Variants in NEK1 observed in about 807,000 individuals in gnomAD.
NEK1 encodes the protein serine/threonine-protein kinase Nek1.
In NEK1, 137 loss-of-function variants were observed where a neutral mutation model predicts 182.1. That is an observed-to-expected ratio of 0.75 (90% confidence interval 0.65 to 0.87). The LOEUF (loss-of-function observed/expected upper bound fraction) is 0.87, where lower values mean the gene tolerates loss of function less well. NEK1 is among the 40% of genes least tolerant of loss of function. NEK1 has a pLI of 0.00. For missense variants in NEK1, 1,391 were observed against 1,494.4 expected (o/e 0.93, Z 1.14); for synonymous variants, 513 against 492.2 (o/e 1.04, Z -0.56).
intron 23 of NEK1, among the ~76,000 whole-genome samples, chr4:169,500,252 C>T (rs1031139195): frequency 2.6e-5 from 4 of 152,172 alleles, no homozygotes; most frequent in Admixed American, 6.5e-5. Flanking sequence ...GTTGGAAAAT[C>T]GCAGTATTAG....
chr4:169,540,279 G>C (rs1446357755), intron 18 of NEK1, among the ~76,000 whole-genome samples: 1 of 152,028 alleles, frequency 6.6e-6, no homozygotes, highest in Non-Finnish European at 1.5e-5. Context: ...TTCCAGGGAG[G>C]CAAGGTTGGT....
intron 18 of NEK1, 64 bp from the exon 19 acceptor site, chr4:169,537,975 T>A: frequency 8.5e-7 from 1 of 1,181,940 alleles, no homozygotes; most frequent in Non-Finnish European, 1.2e-6. Context: ...AGTTAAAAAT[T>A]ACATTTATCC....
At chr4:169,475,366 T>C (rs957714138) in intron 26 of NEK1, among the ~76,000 whole-genome samples, 4 of 152,142 alleles carry the variant, frequency 2.6e-5, no homozygotes, top group Admixed American at 2.6e-4. Flanking sequence ...AAGCATCTTA[T>C]CTCCTAAATG....
chr4:169,593,888 C>T (rs892062036), intron 5 of NEK1, among the ~76,000 whole-genome samples: 19 of 151,678 alleles, frequency 1.3e-4, no homozygotes, highest in African/African-American at 4.6e-4. Flanking sequence ...ACGCGGGAGG[C>T]TGAGGCAGGA....
chr4:169,582,798 T>C (rs562415360), intron 10 of NEK1, among the ~76,000 whole-genome samples: 73 of 152,306 alleles, frequency 4.8e-4, no homozygotes, highest in African/African-American at 1.7e-3. Flanking sequence ...ATGAAGCTTT[T>C]CAGTTATACC....
chr4:169,486,501 A>G (rs917220926), intron 23 of NEK1, among the ~76,000 whole-genome samples: 1 of 152,236 alleles, frequency 6.6e-6, no homozygotes, highest in Non-Finnish European at 1.5e-5. Flanking sequence ...GTATGCTAGG[A>G]AAGTATTAAA....
chr4:169,515,592 G>A (rs6831527), intron 19 of NEK1, among the ~76,000 whole-genome samples: 86,600 of 124,790 alleles, frequency 0.69, 32,860 homozygotes, highest in Middle Eastern at 0.86. Flanking sequence ...ATGCTGGTGC[G>A]CTGCACCCAC....
intron 12 of NEK1, 98 bp downstream of exon 12, chr4:169,576,830 A>G (rs1580900195): frequency 8.4e-7 from 1 of 1,187,926 alleles, no homozygotes; most frequent in Non-Finnish European, 1.2e-6. Context: ...TAACTTAATA[A>G]AAGTAATCCT....
Position 169,587,496 on chromosome 4 carries a change from A to G in NEK1, c.606+63T>C. The stretch of plus-strand genomic sequence containing the variant: ...TGAAAGATAATATAACTTAAAATAT[A>G]ATAAAAACATTATAGTCGCTTTTTA... On this transcript the variant is annotated intron_variant, in intron 9 of 35. Coordinates refer to ENST00000507142, the MANE Select transcript of NEK1 (RefSeq NM_001199397.3). The G allele has an allele frequency of 5.5e-6, 5 of 904,580 alleles. No homozygotes were observed. In the Middle Eastern group the frequency reaches 7.7e-4, roughly 139 times the overall value. The allele number at this position is 904,580 out of a possible 1,614,324, so 56.0% of individuals were successfully genotyped here.
At chr4:169,401,964 T>G (rs1179346359) in intron 32 of NEK1, 104 bp from the exon 33 acceptor site, 1 of 854,088 alleles carries the variant, frequency 1.2e-6, no homozygotes, top group Non-Finnish European at 1.7e-6. Flanking sequence ...ACTCAATACG[T>G]AGGCACTTCT....
At chr4:169,528,401 G>C (rs1757198479) in intron 19 of NEK1, among the ~76,000 whole-genome samples, 1 of 152,084 alleles carries the variant, frequency 6.6e-6, no homozygotes, top group South Asian at 2.1e-4. Flanking sequence ...CAAGCAGCTG[G>C]GACCCTTGTT....
At chr4:169,426,328 C>T in intron 29 of NEK1, 94 bp from the exon 30 acceptor site, 1 of 936,446 alleles carries the variant, frequency 1.1e-6, no homozygotes, top group Non-Finnish European at 1.7e-6. Flanking sequence ...CACAAGTTCA[C>T]TAGCATTCTT....
intron 3 of NEK1, 143 bp downstream of exon 3, chr4:169,602,371 G>A: frequency 1.6e-6 from 1 of 625,876 alleles, no homozygotes; most frequent in East Asian, 2.8e-5. Context: ...GAATATATAG[G>A]CTATTCTGAT....
chr4:169,564,927 G>T (rs550368787), intron 12 of NEK1, among the ~76,000 whole-genome samples: 8 of 152,252 alleles, frequency 5.3e-5, no homozygotes, highest in African/African-American at 1.9e-4. Flanking sequence ...GTGATAAGCG[G>T]TACTAAATCT....
At chr4:169,595,594 T>A (rs1340178105) in intron 5 of NEK1, among the ~76,000 whole-genome samples, 1 of 152,182 alleles carries the variant, frequency 6.6e-6, no homozygotes, top group Non-Finnish European at 1.5e-5. Flanking sequence ...ATGATTTTCA[T>A]GTAATCAGTT....
intron 27 of NEK1, among the ~76,000 whole-genome samples, chr4:169,445,131 C>T (rs1740258130): frequency 6.6e-6 from 1 of 151,538 alleles, no homozygotes; most frequent in South Asian, 2.1e-4. Flanking sequence ...AATAAACACC[C>T]ATATCACAAA....
intron 19 of NEK1, among the ~76,000 whole-genome samples, chr4:169,531,215 G>A (rs573062469): frequency 6.6e-6 from 1 of 152,142 alleles, no homozygotes; most frequent in Admixed American, 6.6e-5. Context: ...GTCACAGAGC[G>A]GCAGAGTAAG....
At chr4:169,484,689 T>C (rs74456828) in intron 23 of NEK1, among the ~76,000 whole-genome samples, 2,452 of 152,288 alleles carry the variant, frequency 0.016, 36 homozygotes, top group Non-Finnish European at 0.023. Flanking sequence ...GAGCAGCCAA[T>C]GGTCAGCCAT....
chr4:169,405,191 T>C (rs1026310633), intron 32 of NEK1, among the ~76,000 whole-genome samples: 1 of 152,198 alleles, frequency 6.6e-6, no homozygotes, highest in African/African-American at 2.4e-5. Context: ...AGAATGTGCT[T>C]ACACAAACCT....
Sources: allele counts gnomAD v4.1 joint callset (sites outside exome capture counted in the v4.1 genomes callset), GRCh38; gene constraint gnomAD v4.1.1; transcripts MANE v1.5; gene names NCBI Gene and HGNC (gene_info 2026-07-23, HGNC 2026-07-21).